EPB41L2: variants seen among roughly 807,000 people sequenced by gnomAD.
EPB41L2 encodes the protein band 4.1-like protein 2.
A neutral mutation model predicts 113.0 loss-of-function variants in EPB41L2; 43 were observed. That is an observed-to-expected ratio of 0.38 (90% CI 0.30 to 0.49). The LOEUF is 0.49. Among genes scored for constraint, EPB41L2 ranks in the 20% least tolerant of loss-of-function variants. The pLI is 0.95. For missense variants in EPB41L2, 1,147 were observed against 1,223.4 expected (o/e 0.94, Z 0.93); for synonymous variants, 442 against 436.7 (o/e 1.01, Z -0.15).
chr6:131,003,607 C>T (rs1233658583), intron 1 of EPB41L2, among the ~76,000 whole-genome samples: 1 of 152,108 alleles, frequency 6.6e-6, no homozygotes, highest in Non-Finnish European at 1.5e-5. Context: ...CCCCTCCTCA[C>T]AAAAACCTCT....
At chr6:130,946,829 T>A (rs959326055) in intron 3 of EPB41L2, among the ~76,000 whole-genome samples, 1 of 152,082 alleles carries the variant, frequency 6.6e-6, no homozygotes, top group Non-Finnish European at 1.5e-5. Context: ...TTTAAAAAAA[T>A]TATTCCATTG....
At chr6:130,897,482 C>A (rs1795002233) in intron 8 of EPB41L2, among the ~76,000 whole-genome samples, 1 of 152,126 alleles carries the variant, frequency 6.6e-6, no homozygotes, top group South Asian at 2.1e-4. Context: ...CAATTTCTTA[C>A]TTTTCTAAGA....
chr6:131,043,196 G>A (rs1794774127), intron 1 of EPB41L2, among the ~76,000 whole-genome samples: 1 of 152,094 alleles, frequency 6.6e-6, no homozygotes, highest in Admixed American at 6.5e-5. Flanking sequence ...AGCTACTTAG[G>A]AGGCTGAGGC....
intron 1 of EPB41L2, among the ~76,000 whole-genome samples, chr6:131,057,574 C>G (rs1797835391): frequency 1.3e-5 from 2 of 152,092 alleles, no homozygotes; most frequent in Admixed American, 6.5e-5. Flanking sequence ...TTATAATGGC[C>G]CAGCCCTGAA....
chr6:130,955,025 A>T, intron 3 of EPB41L2, 80 bp downstream of exon 3: 1 of 1,309,104 alleles, frequency 7.6e-7, no homozygotes, highest in Non-Finnish European at 1.1e-6. Flanking sequence ...ACAGGAACTT[A>T]ATAAAACACA....
chr6:130,906,715 G>A (rs73775340), intron 5 of EPB41L2, among the ~76,000 whole-genome samples: 3,673 of 152,184 alleles, frequency 0.024, 154 homozygotes, highest in African/African-American at 0.084. Context: ...ATTTATCTTC[G>A]CTAACTGCCT....
At chr6:130,985,771 G>A (rs1270475074) in intron 1 of EPB41L2, among the ~76,000 whole-genome samples, 1 of 152,074 alleles carries the variant, frequency 6.6e-6, no homozygotes, top group African/African-American at 2.4e-5. Flanking sequence ...AAGAACCTTG[G>A]GCTAAAGAAT....
chr6:130,856,793 T>C (rs181006601), intron 19 of EPB41L2, among the ~76,000 whole-genome samples: 3 of 152,354 alleles, frequency 2.0e-5, no homozygotes, highest in Non-Finnish European at 4.4e-5. Flanking sequence ...TAGATAATTA[T>C]AAACATTTAC....
chr6:130,967,300 G>GA (rs10707152), intron 1 of EPB41L2, among the ~76,000 whole-genome samples: 86 of 151,396 alleles, frequency 5.7e-4, no homozygotes, highest in African/African-American at 1.8e-3. Flanking sequence ...TAGATTTACT[G>GA]AAAAAAAAAC....
intron 3 of EPB41L2, among the ~76,000 whole-genome samples, chr6:130,937,821 G>GAAAAAAAAAAAAAA (rs66505919): frequency 7.7e-6 from 1 of 129,852 alleles, no homozygotes; most frequent in African/African-American, 3.4e-5. Context: ...ATCTCAAAAA[G>GAAAAAAAAAAAAAA]AAAAAAAAAA....
intron 3 of EPB41L2, among the ~76,000 whole-genome samples, chr6:130,931,164 G>A (rs12662602): frequency 0.046 from 6,948 of 152,112 alleles, 236 homozygotes; most frequent in East Asian, 0.12. Context: ...AATATTAAAA[G>A]AAACAACGCT....
intron 1 of EPB41L2, among the ~76,000 whole-genome samples, chr6:131,006,391 G>C (rs1328130560): frequency 6.6e-6 from 1 of 151,268 alleles, no homozygotes. Context: ...GCTGGGCACG[G>C]TGGCTCACGC....
At position 130,927,174 on chromosome 6, in the gene EPB41L2, T is replaced by G. The variant is rs564246248; in HGVS notation, c.706-465A>C. Among the ~76,000 whole-genome samples the G allele has an allele frequency of 5.9e-5, 9 of 152,300 alleles. No individual in the cohort carries two copies. In the South Asian group the frequency reaches 1.9e-3, roughly 32 times the overall value. On this transcript the variant is annotated intron_variant, in intron 3 of 19. Coordinates refer to ENST00000337057, the MANE Select transcript of EPB41L2 (RefSeq NM_001431.4). The stretch of plus-strand genomic sequence containing the variant: ...TTGATTTTTTGTTCCATGATATCTG[T>G]AGAATAGAATTTTATTTTCTATATG...
intron 19 of EPB41L2, among the ~76,000 whole-genome samples, chr6:130,850,216 C>T (rs780626383): frequency 2.6e-5 from 4 of 152,010 alleles, no homozygotes; most frequent in African/African-American, 7.3e-5. Context: ...CCAGTCTGCG[C>T]GACAAGAGGG....
At chr6:131,045,942 T>TTC (rs774326137) in intron 1 of EPB41L2, among the ~76,000 whole-genome samples, 2 of 138,556 alleles carry the variant, frequency 1.4e-5, no homozygotes, top group Admixed American at 7.7e-5. Context: ...ATATTTTTCT[T>TTC]TCTCTCTTTT....
chr6:130,862,079 T>G (rs1782301846), intron 18 of EPB41L2, among the ~76,000 whole-genome samples: 1 of 152,236 alleles, frequency 6.6e-6, no homozygotes, highest in East Asian at 1.9e-4. Flanking sequence ...TATGTTATTT[T>G]GGCACTTGTA....
intron 1 of EPB41L2, among the ~76,000 whole-genome samples, chr6:130,974,288 G>T (rs1378027072): frequency 6.6e-6 from 1 of 152,114 alleles, no homozygotes; most frequent in Admixed American, 6.5e-5. Context: ...AAGCAAAGAA[G>T]AGCCCTTACC....
At chr6:131,034,762 A>T (rs1792952671) in intron 1 of EPB41L2, among the ~76,000 whole-genome samples, 1 of 152,142 alleles carries the variant, frequency 6.6e-6, no homozygotes, top group Admixed American at 6.5e-5. Flanking sequence ...ATCACCCTAC[A>T]ACTCCTGAAT....
At chr6:131,047,489 T>A (rs1795690782) in intron 1 of EPB41L2, among the ~76,000 whole-genome samples, 1 of 152,226 alleles carries the variant, frequency 6.6e-6, no homozygotes, top group East Asian at 1.9e-4. Flanking sequence ...TACATCTTAA[T>A]TGAAAGTACA....
Sources: allele counts gnomAD v4.1 joint callset (sites outside exome capture counted in the v4.1 genomes callset), GRCh38; gene constraint gnomAD v4.1.1; transcripts MANE v1.5; gene names NCBI Gene and HGNC (gene_info 2026-07-23, HGNC 2026-07-21).